The following ZNF69 variants were observed in gnomAD, a reference collection of about 807,000 sequenced individuals.
ZNF69 encodes ZNF3.
Under a neutral mutation model 50.9 loss-of-function variants are expected in ZNF69, and 47 were observed. The observed-to-expected ratio is 0.92, with a 90% CI of 0.73 to 1.18. The LOEUF (loss-of-function observed/expected upper bound fraction) is 1.18. Among genes scored for constraint, ZNF69 ranks in the 50% most tolerant of loss-of-function variants. The pLI is 0.00. For synonymous variants in ZNF69, 216 were observed against 223.1 expected (o/e 0.97, Z 0.29); for missense variants, 717 against 675.1 (o/e 1.06, Z -0.69).
the ZNF69 span, among the ~76,000 whole-genome samples, chr19:11,942,033 C>T: frequency 2.3e-4 from 35 of 152,128 alleles, 1 homozygote; most frequent in East Asian, 5.0e-3. Context: ...ACTTAGGGTG[C>T]CAGGTTTTGC....
chr19:11,972,046 G>A, the ZNF69 span, among the ~76,000 whole-genome samples: 3 of 149,012 alleles, frequency 2.0e-5, no homozygotes, highest in South Asian at 6.4e-4. Context: ...CAGGCAACAA[G>A]AGCAAAACTT....
chr19:11,939,290 A>G, the ZNF69 span, among the ~76,000 whole-genome samples: 1 of 152,296 alleles, frequency 6.6e-6, no homozygotes, highest in South Asian at 2.1e-4. Context: ...TTTAGTGATG[A>G]AGTCCTTGCC....
chr19:11,928,409 A>G, the ZNF69 span, among the ~76,000 whole-genome samples: 22 of 152,282 alleles, frequency 1.4e-4, no homozygotes, highest in Admixed American at 2.0e-4. Flanking sequence ...TCTGAAGACA[A>G]TCTGATAGCC....
the ZNF69 span, among the ~76,000 whole-genome samples, chr19:11,963,088 A>AGAGAGAGAGAGAGAGAGTGT: frequency 2.3e-4 from 32 of 138,222 alleles, no homozygotes; most frequent in African/African-American, 5.5e-4. Flanking sequence ...AGAGAGAGAG[A>AGAGAGAGAGAGAGAGAGTGT]GTGTGTGTGT....
the ZNF69 span, among the ~76,000 whole-genome samples, chr19:11,974,473 G>A: frequency 1.3e-5 from 2 of 151,808 alleles, no homozygotes; most frequent in African/African-American, 4.8e-5. Context: ...CTCAATTATA[G>A]GTGTGAGCCA....
chr19:11,973,430 G>A, the ZNF69 span, among the ~76,000 whole-genome samples: 1 of 152,012 alleles, frequency 6.6e-6, no homozygotes, highest in African/African-American at 2.4e-5. Context: ...GAGAGACAGG[G>A]TCTCAAACTC....
chr19:11,916,902 C>A (rs1972527322), downstream of ZNF69, among the ~76,000 whole-genome samples: 1 of 152,084 alleles, frequency 6.6e-6, no homozygotes, highest in Non-Finnish European at 1.5e-5. Context: ...TGCCCACCCA[C>A]CCCCATCTCC....
the ZNF69 span, among the ~76,000 whole-genome samples, chr19:11,946,057 C>T: frequency 6.6e-6 from 1 of 152,202 alleles, no homozygotes; most frequent in Admixed American, 6.5e-5. Flanking sequence ...GACTGTCATC[C>T]TGACCATGGG....
the ZNF69 span, chr19:11,948,286 G>A: frequency 6.2e-7 from 1 of 1,613,058 alleles, no homozygotes; most frequent in Non-Finnish European, 8.5e-7. Context: ...GAGTCTCATA[G>A]AAGAGAAAGT....
chr19:11,948,258 G>T, the ZNF69 span: 1 of 1,607,610 alleles, frequency 6.2e-7, no homozygotes, highest in Non-Finnish European at 8.5e-7. Context: ...TTCATGATGT[G>T]TTTCTCATGT....
the ZNF69 span, chr19:11,965,195 C>A: frequency 8.7e-6 from 14 of 1,614,098 alleles, no homozygotes; most frequent in Admixed American, 5.0e-5. Context: ...CCCAGGACAT[C>A]TGAAAGCCAG....
At chr19:11,906,785 G>T (rs1374318192), downstream of ZNF69, among the ~76,000 whole-genome samples, 5 of 152,246 alleles carry the variant, frequency 3.3e-5, no homozygotes, top group Non-Finnish European at 7.3e-5. Flanking sequence ...CCAAAGGAAC[G>T]CAGCTCCTCG....
chr19:11,907,728 G>T (rs1010972283), downstream of ZNF69, among the ~76,000 whole-genome samples: 57 of 152,192 alleles, frequency 3.7e-4, no homozygotes, highest in Non-Finnish European at 2.2e-4. Flanking sequence ...ATGCCAAATT[G>T]TAAAGACCAT....
chr19:11,940,479 C>T, the ZNF69 span, among the ~76,000 whole-genome samples: 2 of 151,922 alleles, frequency 1.3e-5, no homozygotes, highest in African/African-American at 4.8e-5. Context: ...GTGTTAACAG[C>T]TCTTAAGGCA....
the ZNF69 span, among the ~76,000 whole-genome samples, chr19:11,932,238 G>C: frequency 6.7e-6 from 1 of 148,202 alleles, no homozygotes; most frequent in African/African-American, 2.6e-5. Context: ...CAGCTACTCA[G>C]GAGACTGAGG....
the ZNF69 span, chr19:11,976,684 T>C: frequency 0.037 from 9,065 of 242,642 alleles, 788 homozygotes; most frequent in African/African-American, 0.19. Context: ...CTGACCAACA[T>C]GGAGAAACCC....
At chr19:11,972,822 T>A in the ZNF69 span, among the ~76,000 whole-genome samples, 719 of 152,204 alleles carry the variant, frequency 4.7e-3, 5 homozygotes, top group African/African-American at 0.016. Context: ...CCAGATGCTG[T>A]GCCTCATACC....
chr19:11,974,692 T>C, the ZNF69 span, among the ~76,000 whole-genome samples: 1 of 151,986 alleles, frequency 6.6e-6, no homozygotes, highest in Non-Finnish European at 1.5e-5. Context: ...AACTTCCACC[T>C]CCCAGATTCA....
downstream of ZNF69, among the ~76,000 whole-genome samples, chr19:11,910,750 A>T (rs1347948442): frequency 6.6e-6 from 1 of 152,232 alleles, no homozygotes; most frequent in Non-Finnish European, 1.5e-5. Context: ...AACATTCAGG[A>T]CATAGGCATG....
Sources: gnomAD v4.1 joint callset for allele counts (sites outside exome capture counted in the v4.1 genomes callset) on GRCh38, gnomAD v4.1.1 for gene constraint, MANE v1.5 for transcripts, NCBI Gene and HGNC (gene_info 2026-07-23, HGNC 2026-07-21) for gene names.